The following INSL6 variants were observed in gnomAD, a reference collection of about 807,000 sequenced individuals.
The protein encoded by INSL6 is insulin-like peptide INSL6.
In INSL6, 16 loss-of-function variants were observed where a neutral mutation model predicts 9.4. The ratio of observed to expected loss-of-function variants is 1.70; its 90% CI spans 1.15 to 2.59. The LOEUF (loss-of-function observed/expected upper bound fraction) is 2.59. Ranked by LOEUF, INSL6 falls within the 30% of genes most tolerant of loss-of-function variation. The pLI is 0.00. For missense variants in INSL6, 391 were observed against 257.3 expected (o/e 1.52, Z -3.56); for synonymous variants, 154 against 96.9 (o/e 1.59, Z -3.46).
chr9:5,096,039 A>G, the INSL6 span, among the ~76,000 whole-genome samples: 2 of 152,300 alleles, frequency 1.3e-5, no homozygotes, highest in African/African-American at 4.8e-5. Flanking sequence ...AATTTTCAAA[A>G]AACAATAGTC....
chr9:5,119,025 T>C (rs1476693983), downstream of INSL6, among the ~76,000 whole-genome samples: 3 of 152,170 alleles, frequency 2.0e-5, no homozygotes, highest in East Asian at 1.9e-4. Flanking sequence ...TCAGAAAAGT[T>C]TGAAAAAACA....
the INSL6 span, among the ~76,000 whole-genome samples, chr9:5,077,764 G>GA: frequency 6.6e-6 from 1 of 151,860 alleles, no homozygotes; most frequent in Admixed American, 6.6e-5. Flanking sequence ...AATCACTTTT[G>GA]AAAAAAAAGT....
chr9:5,092,307 C>T, the INSL6 span, among the ~76,000 whole-genome samples: 11 of 152,040 alleles, frequency 7.2e-5, no homozygotes, highest in South Asian at 2.1e-4. Context: ...TGTCACCCTC[C>T]GCAAATATCA....
At chr9:5,070,069 T>A in the INSL6 span, 3 of 1,568,556 alleles carry the variant, frequency 1.9e-6, no homozygotes, top group Non-Finnish European at 1.7e-6. Context: ...CATTAGATAC[T>A]CATTACTGTC....
At chr9:5,089,960 C>G in the INSL6 span, 1 of 764,410 alleles carries the variant, frequency 1.3e-6, no homozygotes, top group Non-Finnish European at 1.9e-6. Flanking sequence ...GGACTTATGC[C>G]AATGCCCAGA....
the INSL6 span, among the ~76,000 whole-genome samples, chr9:5,079,652 A>T: frequency 1.3e-5 from 2 of 152,010 alleles, no homozygotes; most frequent in Non-Finnish European, 2.9e-5. Context: ...TAAAAAAAAA[A>T]GATTTGGCCA....
At chr9:5,128,782 A>G (rs1824164729) in intron 3 of INSL6, among the ~76,000 whole-genome samples, 1 of 151,994 alleles carries the variant, frequency 6.6e-6, no homozygotes, top group African/African-American at 2.4e-5. Context: ...AAATAAGATA[A>G]CCCTGTAGTT....
chr9:5,153,477 G>A (rs1268427722), intron 2 of INSL6, among the ~76,000 whole-genome samples: 1 of 152,190 alleles, frequency 6.6e-6, no homozygotes, highest in Non-Finnish European at 1.5e-5. Flanking sequence ...ACCGTGGAAA[G>A]ACTGCCTCAG....
At chr9:5,033,573 G>A in the INSL6 span, among the ~76,000 whole-genome samples, 86 of 152,306 alleles carry the variant, frequency 5.6e-4, no homozygotes, top group Non-Finnish European at 1.0e-3. Context: ...AGAAGAGAGT[G>A]GGGGCCAATA....
At chr9:5,109,534 C>G in the INSL6 span, 1 of 152,160 alleles carries the variant, frequency 6.6e-6, no homozygotes, top group Admixed American at 6.5e-5. Context: ...CCCTAATCGC[C>G]TTAATCACAC....
At chr9:5,037,787 C>T in the INSL6 span, among the ~76,000 whole-genome samples, 1 of 152,122 alleles carries the variant, frequency 6.6e-6, no homozygotes, top group Non-Finnish European at 1.5e-5. Flanking sequence ...AGCACACCAA[C>T]ATGGCACATG....
At chr9:5,134,594 C>T (rs968979170) in intron 2 of INSL6, among the ~76,000 whole-genome samples, 2 of 152,092 alleles carry the variant, frequency 1.3e-5, no homozygotes, top group African/African-American at 2.4e-5. Flanking sequence ...AACTAAGCTT[C>T]GTAATTGAAG....
the INSL6 span, among the ~76,000 whole-genome samples, chr9:5,067,898 A>C: frequency 2.6e-5 from 4 of 152,292 alleles, no homozygotes; most frequent in Non-Finnish European, 4.4e-5. Context: ...TCACACCTGT[A>C]ATACCAGCAC....
chr9:5,056,507 G>T, the INSL6 span, among the ~76,000 whole-genome samples: 2 of 151,938 alleles, frequency 1.3e-5, no homozygotes, highest in Non-Finnish European at 2.9e-5. Flanking sequence ...TACCAAAATT[G>T]TAACTAACTT....
the INSL6 span, among the ~76,000 whole-genome samples, chr9:5,003,879 G>A: frequency 1.3e-5 from 2 of 151,992 alleles, no homozygotes; most frequent in East Asian, 3.9e-4. Flanking sequence ...TTTATTCCTA[G>A]TTTGAGATTT....
chr9:5,123,402 G>A (rs959233346), downstream of INSL6, among the ~76,000 whole-genome samples: 3 of 151,874 alleles, frequency 2.0e-5, no homozygotes, highest in Admixed American at 2.0e-4. Flanking sequence ...AAGTGAAAAC[G>A]TGGTATTTGT....
downstream of INSL6, among the ~76,000 whole-genome samples, chr9:5,161,026 A>G (rs1564047531): frequency 6.6e-6 from 1 of 152,060 alleles, no homozygotes; most frequent in Non-Finnish European, 1.5e-5. Flanking sequence ...ACTAATACCA[A>G]CTCTACTCAA....
the INSL6 span, chr9:5,094,033 C>G: frequency 6.6e-6 from 1 of 152,128 alleles, no homozygotes; most frequent in African/African-American, 2.4e-5. Flanking sequence ...CTTAAGATGG[C>G]GGAGCCTGGC....
the INSL6 span, among the ~76,000 whole-genome samples, chr9:5,070,471 G>A: frequency 6.6e-6 from 1 of 152,106 alleles, no homozygotes; most frequent in East Asian, 1.9e-4. Flanking sequence ...ACCAAAATCT[G>A]AGGATACTTA....
Sources: gnomAD v4.1 joint callset for allele counts (sites outside exome capture counted in the v4.1 genomes callset) on GRCh38, gnomAD v4.1.1 for gene constraint, MANE v1.5 for transcripts, NCBI Gene and HGNC (gene_info 2026-07-23, HGNC 2026-07-21) for gene names.